The following RBM47 variants were observed in gnomAD, a reference collection of about 807,000 sequenced individuals.
RBM47 encodes RNA binding motif protein 47.
Under a neutral mutation model 47.1 loss-of-function variants are expected in RBM47, and 21 were observed. That is an observed-to-expected ratio of 0.45 (90% confidence interval 0.32 to 0.64). RBM47 has a LOEUF of 0.64. Ranked by LOEUF, RBM47 falls within the 30% of genes least tolerant of loss-of-function variation. RBM47 has a pLI of 0.05. For synonymous variants in RBM47, 375 were observed against 361.7 expected, an observed-to-expected ratio of 1.04 and a Z score of -0.42; for missense variants, 708 against 870.9, an observed-to-expected ratio of 0.81 and a Z score of 2.35.
chr4:40,438,272 C>T lies in RBM47; in HGVS notation c.622G>A (p.Ala208Thr). Residue 208 changes from alanine (A) to threonine (T), a missense_variant, in exon 4 of 7, where the codon GCC becomes ACC. Ala to Thr is a moderately conservative substitution (Grantham distance 58). Transcript: ENST00000295971. ...FVEYESHRAA[A>T]MARRKLMPGR... ...GGCATGAGCTTGCGGCGAGCCATGG[C>T]AGCCGCGCGGTGGCTCTCGTACTCC... The T allele has an allele frequency of 1.2e-6, 2 of 1,603,792 alleles. No homozygotes were observed. The highest frequency in any genetic ancestry group is 1.7e-6 in the Non-Finnish European group (2 of 1,179,862).
At chr4:40,590,678 T>C (rs974629473) in intron 1 of RBM47, among the ~76,000 whole-genome samples, 4 of 152,248 alleles carry the variant, frequency 2.6e-5, no homozygotes, top group South Asian at 2.1e-4. Flanking sequence ...AAATGTGATA[T>C]TGTCCATTAC....
In RBM47 at chr4:40,437,088, A is replaced by ATATATAT. The variant is rs1305076952; in HGVS notation, c.1124-442_1124-441insATATATA. Among the ~76,000 whole-genome samples the ATATATAT allele has an allele frequency of 2.2e-3, 119 of 53,992 alleles. 16 individuals are homozygous for ATATATAT. Among genetic ancestry groups the ATATATAT allele is most frequent in the African/African-American group, 0.012 (113 of 9,236 alleles). The allele number at this position is 53,992 out of a possible 152,430, so 35.4% of individuals were successfully genotyped here. A position where few individuals can be genotyped will look rare whatever the true frequency, so the allele number is the denominator to read the frequency against. ...GACCCTGTCTCAAAAAAAAAAAAAA[A>ATATATAT]AAATATATATATATATATATATAAA... On this transcript the variant is annotated intron_variant, in intron 4 of 6. Transcript: ENST00000295971.
At chr4:40,553,694 C>T (rs1729796061) in intron 1 of RBM47, among the ~76,000 whole-genome samples, 1 of 152,150 alleles carries the variant, frequency 6.6e-6, no homozygotes, top group African/African-American at 2.4e-5. Flanking sequence ...CAAGGCACTC[C>T]CAGCTCCTAA....
At chr4:40,458,051 C>A (rs998528617) in intron 3 of RBM47, among the ~76,000 whole-genome samples, 1 of 152,206 alleles carries the variant, frequency 6.6e-6, no homozygotes, top group African/African-American at 2.4e-5. Flanking sequence ...GAATGCTAGT[C>A]TTCTCCTCCT....
intron 5 of RBM47, among the ~76,000 whole-genome samples, chr4:40,434,793 T>C (rs969540332): frequency 3.3e-5 from 5 of 151,306 alleles, no homozygotes; most frequent in African/African-American, 1.2e-4. Flanking sequence ...ATGAGGCCAA[T>C]GTGTACCTAT....
intron 2 of RBM47, among the ~76,000 whole-genome samples, chr4:40,516,857 T>C (rs1026636117): frequency 6.6e-6 from 1 of 152,028 alleles, no homozygotes; most frequent in African/African-American, 2.4e-5. Flanking sequence ...CAGATCCCTC[T>C]CCTCATCTTC....
intron 1 of RBM47, among the ~76,000 whole-genome samples, chr4:40,545,703 A>AAATAAAT (rs1280692849): frequency 1.3e-5 from 2 of 151,494 alleles, no homozygotes; most frequent in East Asian, 1.9e-4. Flanking sequence ...ATAAATAAAT[A>AAATAAAT]AAAGAGAAAG....
chr4:40,436,002 C>CAAA (rs11452583), intron 5 of RBM47, among the ~76,000 whole-genome samples: 9 of 111,316 alleles, frequency 8.1e-5, no homozygotes, highest in South Asian at 3.2e-4. Context: ...ACTAAAAATA[C>CAAA]AAAAAAAAAA....
In RBM47 at chr4:40,460,090, A is replaced by G. The variant is rs150892387; in HGVS notation, c.-32+6487T>C. Among the ~76,000 whole-genome samples, 848 of 152,338 alleles carry G rather than the reference A, an allele frequency of 5.6e-3. 6 individuals carry two copies. Among genetic ancestry groups the G allele is most frequent in the South Asian group, 0.04 (194 of 4,824 alleles). ...CATTTCTAACACATGCCCAGGCATC[A>G]GGAATGTCACATGGAAAAGCCACAC... On this transcript the variant is annotated intron_variant, in intron 3 of 6. Coordinates refer to ENST00000295971, the MANE Select transcript of RBM47 (RefSeq NM_001098634.2).
intron 2 of RBM47, among the ~76,000 whole-genome samples, chr4:40,505,858 G>A (rs1032994228): frequency 1.3e-5 from 2 of 151,924 alleles, no homozygotes; most frequent in Non-Finnish European, 2.9e-5. Context: ...CACCACTGCA[G>A]CCTGGGTGAC....
At chr4:40,471,032 C>A (rs189175841) in intron 2 of RBM47, among the ~76,000 whole-genome samples, 1 of 152,100 alleles carries the variant, frequency 6.6e-6, no homozygotes, top group East Asian at 1.9e-4. Flanking sequence ...CGTGAGCCAC[C>A]GCGTCTCGCC....
At chr4:40,524,020 AAATT>A (rs1726468825) in intron 2 of RBM47, among the ~76,000 whole-genome samples, 1 of 152,170 alleles carries the variant, frequency 6.6e-6, no homozygotes, top group Non-Finnish European at 1.5e-5. Context: ...TTGTACTAAT[AAATT>A]ATTTACTGTT....
chr4:40,440,980 G>A (rs1260318231), intron 3 of RBM47, among the ~76,000 whole-genome samples: 3 of 152,006 alleles, frequency 2.0e-5, no homozygotes, highest in Non-Finnish European at 2.9e-5. Flanking sequence ...TCTGTTACAC[G>A]TGGCTTCTAT....
intron 2 of RBM47, among the ~76,000 whole-genome samples, chr4:40,532,309 ATTTT>A (rs34850081): frequency 2.0e-3 from 130 of 65,794 alleles, no homozygotes; most frequent in African/African-American, 7.7e-3. Context: ...CACGCCCGGC[ATTTT>A]TTTTTTTTTT....
At chr4:40,535,557 TC>T (rs1249634039) in intron 2 of RBM47, among the ~76,000 whole-genome samples, 1 of 149,882 alleles carries the variant, frequency 6.7e-6, no homozygotes, top group Non-Finnish European at 1.5e-5. Context: ...TTTTTTTTTT[TC>T]GTTTTTGTTT....
At chr4:40,500,995 T>A (rs1293219660) in intron 2 of RBM47, among the ~76,000 whole-genome samples, 1 of 152,134 alleles carries the variant, frequency 6.6e-6, no homozygotes, top group African/African-American at 2.4e-5. Flanking sequence ...AGTCAATATT[T>A]AAACTGGCCA....
intron 1 of RBM47, among the ~76,000 whole-genome samples, chr4:40,567,923 T>C (rs1731248078): frequency 6.6e-6 from 1 of 151,994 alleles, no homozygotes; most frequent in South Asian, 2.1e-4. Flanking sequence ...CACACTGACC[T>C]CTGTTATGAT....
At chr4:40,540,330 T>C (rs375353657) in intron 2 of RBM47, among the ~76,000 whole-genome samples, 1 of 152,042 alleles carries the variant, frequency 6.6e-6, no homozygotes. Flanking sequence ...ATAAGAAGGA[T>C]GTTAAAATTC....
rs192550457 is a variant in RBM47, at chr4:40,524,128, A to G, written c.-155+20294T>C. On this transcript the variant is annotated intron_variant, in intron 2 of 6. Coordinates refer to ENST00000295971, the MANE Select transcript of RBM47 (RefSeq NM_001098634.2). ...AATTTGAGAAACACTGCACTCGGCT[A>G]TGTCCCTCCCACATGTGCTAAAACA... 2.6e-5 allele frequency among the ~76,000 whole-genome samples: 4 copies of G among 152,318 alleles called. No homozygotes were observed. In the East Asian group the frequency reaches 7.7e-4, roughly 29 times the overall value.
Sources: allele counts gnomAD v4.1 joint callset (sites outside exome capture counted in the v4.1 genomes callset), GRCh38; gene constraint gnomAD v4.1.1; transcripts MANE v1.5; gene names NCBI Gene and HGNC (gene_info 2026-07-23, HGNC 2026-07-21).